The following PRH1 variants were observed in gnomAD, a reference collection of about 807,000 sequenced individuals.
PRH1 encodes salivary acidic proline-rich phosphoprotein 1/2.
Under a neutral mutation model 7.9 loss-of-function variants are expected in PRH1, and 7 were observed. That is an observed-to-expected ratio of 0.89 (90% CI 0.50 to 1.67). The LOEUF is 1.67. Among genes scored for constraint, PRH1 ranks in the 40% most tolerant of loss-of-function variants. The pLI is 0.00. For synonymous variants in PRH1, 45 were observed against 80.8 expected, an observed-to-expected ratio of 0.56 and a Z score of 2.38; for missense variants, 109 against 223.6, an observed-to-expected ratio of 0.49 and a Z score of 3.27.
Position 10,930,676 on chromosome 12 carries a change from G to A in PRH1, c.-59+42979C>T, listed in dbSNP as rs764734814. The stretch of plus-strand genomic sequence containing the variant: ...AACTCACACAGATGGAGGAGACTCT[G>A]AGCAGTTCATAGATGAGGAGCGTCA... On this transcript the variant is annotated intron_variant, in intron 2 of 3. Transcript: ENST00000539853. The A allele has an allele frequency of 5.6e-6, 9 of 1,613,746 alleles. No homozygotes were observed. The South Asian group carries it at 9.9e-5, about 18-fold the overall frequency.
At chr12:10,890,746 G>T (rs1212167386) in intron 2 of PRH1, among the ~76,000 whole-genome samples, 8 of 150,936 alleles carry the variant, frequency 5.3e-5, no homozygotes, top group Admixed American at 1.3e-4. Flanking sequence ...GCATGATGGT[G>T]TGTGCCTGTT....
At chr12:10,989,274 T>A (rs562566664) in intron 1 of PRH1, among the ~76,000 whole-genome samples, 136 of 152,366 alleles carry the variant, frequency 8.9e-4, no homozygotes, top group African/African-American at 3.2e-3. Flanking sequence ...CATACTTGCA[T>A]CTTTATGTGA....
Position 10,937,252 on chromosome 12 carries a change from G to A in PRH1, c.-59+36403C>T, listed in dbSNP as rs147184780. Reference sequence around the variant, plus strand: ...TCTCTCTGTGTGTGTGTGTGCGTGCGTGTGTATGAATATGTATATTGTATT... The same window carrying A: ...TCTCTCTGTGTGTGTGTGTGCGTGCATGTGTATGAATATGTATATTGTATT... On this transcript the variant is annotated intron_variant, in intron 2 of 3. Coordinates refer to the PRH1 transcript ENST00000539853. Among the ~76,000 whole-genome samples, 4 of 151,560 alleles carry A rather than the reference G, an allele frequency of 2.6e-5. No individual in the cohort carries two copies. In the East Asian group the frequency reaches 7.7e-4, roughly 29 times the overall value.
chr12:10,908,685 A>AGGGAGAAAATTAAC (rs1565464045), intron 2 of PRH1: 1 of 1,613,864 alleles, frequency 6.2e-7, no homozygotes. Context: ...ATGTTTCTGC[A>AGGGAGAAAATTAAC]GGGAGAAAAT....
intron 2 of PRH1, among the ~76,000 whole-genome samples, chr12:10,911,750 T>C (rs1949903034): frequency 6.6e-6 from 1 of 152,210 alleles, no homozygotes; most frequent in Non-Finnish European, 1.5e-5. Flanking sequence ...CTGCCTATTA[T>C]TGTTACATAT....
chr12:11,019,595 T>C (rs115708552), intron 1 of PRH1, among the ~76,000 whole-genome samples: 2,289 of 152,372 alleles, frequency 0.015, 77 homozygotes, highest in African/African-American at 0.053. Flanking sequence ...CAAACTCAAT[T>C]TTTAAAAATG....
At chr12:11,098,455 T>A (rs1289998467) in intron 1 of PRH1, among the ~76,000 whole-genome samples, 1 of 152,184 alleles carries the variant, frequency 6.6e-6, no homozygotes, top group East Asian at 1.9e-4. Flanking sequence ...TGAAATTGAC[T>A]GGAAACCTGA....
At chr12:11,114,524 G>C (rs113134733) in intron 1 of PRH1, among the ~76,000 whole-genome samples, 78 of 152,248 alleles carry the variant, frequency 5.1e-4, no homozygotes, top group African/African-American at 1.8e-3. Context: ...AGGGGGGCTA[G>C]GGATAGCATT....
At chr12:10,987,846 G>A (rs1399109374) in intron 1 of PRH1, among the ~76,000 whole-genome samples, 1 of 151,920 alleles carries the variant, frequency 6.6e-6, no homozygotes, top group Non-Finnish European at 1.5e-5. Flanking sequence ...CACACCCTAT[G>A]ACACATAATT....
At chr12:11,138,759 C>T (rs1486680402) in intron 1 of PRH1, among the ~76,000 whole-genome samples, 1 of 151,954 alleles carries the variant, frequency 6.6e-6, no homozygotes, top group African/African-American at 2.4e-5. Flanking sequence ...AACTTTTGGG[C>T]CAGGTGTGGT....
At chr12:11,011,073 T>C (rs898453855) in intron 1 of PRH1, among the ~76,000 whole-genome samples, 3 of 151,980 alleles carry the variant, frequency 2.0e-5, no homozygotes, top group African/African-American at 7.2e-5. Context: ...GAAAAAAATG[T>C]TAAAATGTAA....
upstream of PRH1, among the ~76,000 whole-genome samples, chr12:10,888,123 G>C (rs1949520798): frequency 6.6e-6 from 1 of 152,044 alleles, no homozygotes; most frequent in Non-Finnish European, 1.5e-5. Context: ...ATAGCCACTT[G>C]AGCCTCCCAT....
intron 1 of PRH1, chr12:11,166,034 G>A (rs1279937907): frequency 6.6e-6 from 1 of 152,206 alleles, no homozygotes; most frequent in Non-Finnish European, 1.5e-5. Flanking sequence ...CTTTTTTAAT[G>A]CTCCTACCAC....
At chr12:11,133,199 AC>A in intron 1 of PRH1, 1 of 1,495,078 alleles carries the variant, frequency 6.7e-7, no homozygotes, top group Non-Finnish European at 8.9e-7. Context: ...TTCTAGGTAT[AC>A]ATGTGGAAAT....
At chr12:11,022,421 G>C (rs1941698694) in intron 1 of PRH1, 3 of 1,614,148 alleles carry the variant, frequency 1.9e-6, no homozygotes, top group Admixed American at 3.3e-5. Flanking sequence ...GAGACCACCA[G>C]AGCAGTGAGA....
chr12:11,037,398 C>T (rs1372786978), intron 1 of PRH1, among the ~76,000 whole-genome samples: 1 of 152,194 alleles, frequency 6.6e-6, no homozygotes, highest in Non-Finnish European at 1.5e-5. Flanking sequence ...TGGTATTTTT[C>T]TCTAATGTAG....
rs1565725839 is a variant in PRH1, at chr12:11,168,288, GAAA to G, written n.39+3131_39+3133del. 5.8e-3 allele frequency among the ~76,000 whole-genome samples: 170 copies of G among 29,136 alleles called. 36 individuals carry two copies. The highest frequency in any genetic ancestry group is 0.028 in the Middle Eastern group (2 of 72). 19.1% of individuals were successfully genotyped at this position (29,136 alleles called of 152,430 possible). A position where few individuals can be genotyped will look rare whatever the true frequency, so the allele number is the denominator to read the frequency against. On this transcript the variant is annotated intron_variant and non_coding_transcript_variant, in intron 1 of 1. Coordinates refer to the PRH1 transcript ENST00000541175. ...AGAAAGAAAGAAAGAAAGAAAGAAAGAAAGAAAGAAAGAAGGAAGGAAGGAAGG... is the reference window on the plus strand; with the variant it reads ...AGAAAGAAAGAAAGAAAGAAAGAAAGGAAAGAAAGAAGGAAGGAAGGAAGG...
intron 2 of PRH1, among the ~76,000 whole-genome samples, chr12:10,947,771 G>A (rs966275692): frequency 1.3e-5 from 2 of 151,862 alleles, no homozygotes; most frequent in South Asian, 2.1e-4. Flanking sequence ...TGGTAGTGGT[G>A]TTCTTTTCTA....
At chr12:10,959,165 A>AC (rs1555116165) in intron 2 of PRH1, among the ~76,000 whole-genome samples, 3 of 150,888 alleles carry the variant, frequency 2.0e-5, no homozygotes, top group Admixed American at 2.0e-4. Context: ...TATTGACTCC[A>AC]TTTTTTTTTA....
Sources: gnomAD v4.1 joint callset for allele counts (sites outside exome capture counted in the v4.1 genomes callset) on GRCh38, gnomAD v4.1.1 for gene constraint, MANE v1.5 for transcripts, NCBI Gene and HGNC (gene_info 2026-07-23, HGNC 2026-07-21) for gene names.